Variants in ZNF35 observed in about 807,000 individuals in gnomAD.
The protein encoded by ZNF35 is zinc finger protein 35, also known as zinc finger protein 35 (clone HF.10).
A neutral mutation model predicts 45.9 loss-of-function variants in ZNF35; 31 were observed. The ratio of observed to expected loss-of-function variants is 0.68; its 90% confidence interval spans 0.51 to 0.91. The LOEUF is 0.91. ZNF35 is among the 40% of genes least tolerant of loss of function. The probability of loss-of-function intolerance (pLI) is 0.00; values close to 1 mark genes in which losing one functional copy is unlikely to be tolerated. For synonymous variants in ZNF35, 205 were observed against 220.2 expected (o/e 0.93, Z 0.61); for missense variants, 515 against 625.4 (o/e 0.82, Z 1.88).
In ZNF35 at chr3:44,659,005, A is replaced by T. The variant is rs1233780719; in HGVS notation, c.642A>T (p.Lys214Asn). The T allele has an allele frequency of 1.2e-6, 2 of 1,614,236 alleles. No individual in the cohort carries two copies. Among genetic ancestry groups the T allele is most frequent in the Admixed American group, 3.3e-5 (2 of 60,024 alleles). The stretch of plus-strand genomic sequence containing the variant: ...ATTCTGGCGCTGTTAAAAATCCAAA[A>T]ACCCAGCTTGGACAAAAGCCTTTTA... ...SLNSGAVKNP[K>N]TQLGQKPFTC... Residue 214 changes from lysine (K) to asparagine (N), a missense_variant, in exon 4 of 4, where the codon AAA (lysine) becomes AAT (asparagine). Physicochemically the swap from Lys to Asn is moderately conservative, Grantham distance 94. This residue lies in a region of ZNF35 where 275 missense variants were observed against 295.7 expected (regional missense o/e 0.93). Coordinates refer to ENST00000396056, the MANE Select transcript of ZNF35 (RefSeq NM_003420.4). The surrounding 1 kb of genome is among the most constrained non-coding windows in gnomAD (Gnocchi z 4.3).
At position 44,651,631 on chromosome 3, in the gene ZNF35, C is replaced by T. The variant is rs148290328; in HGVS notation, c.192+372C>T. Among the ~76,000 whole-genome samples, 1,341 of 152,112 alleles carry T rather than the reference C, an allele frequency of 8.8e-3. 22 individuals are homozygous for T. Among genetic ancestry groups the T allele is most frequent in the African/African-American group, 0.031 (1,283 of 41,492 alleles). The stretch of plus-strand genomic sequence containing the variant: ...TCACTTGAGGTCAGGAGTTCAAGAC[C>T]AGCCTGAGCAACATTGCACACCTCG... On this transcript the variant is annotated intron_variant, in intron 2 of 3. Coordinates refer to ENST00000396056, the MANE Select transcript of ZNF35 (RefSeq NM_003420.4).
At chr3:44,649,009 C>T (rs1703113216) in intron 1 of ZNF35, among the ~76,000 whole-genome samples, 175 bp downstream of exon 1, 1 of 152,212 alleles carries the variant, frequency 6.6e-6, no homozygotes, top group Admixed American at 6.5e-5. Flanking sequence ...CTGCTGCCCA[C>T]CTGGGGCCTG....
At chr3:44,653,807 G>A (rs1575515317) in intron 3 of ZNF35, among the ~76,000 whole-genome samples, 1 of 152,202 alleles carries the variant, frequency 6.6e-6, no homozygotes, top group South Asian at 2.1e-4. Flanking sequence ...CAAGAATGCA[G>A]TAGCCATGAG....
At position 44,658,695 on chromosome 3, in the gene ZNF35, G is replaced by A. The variant is rs1263635425; in HGVS notation, c.338-6G>A. The stretch of plus-strand genomic sequence containing the variant: ...TAACATTTGTATTTTCTGTTTCTTG[G>A]TTCAGGTGCTGAAACCAAGAACCTA... On this transcript the variant is annotated splice_region_variant and splice_polypyrimidine_tract_variant and intron_variant, in intron 3 of 3. Coordinates refer to ENST00000396056, the MANE Select transcript of ZNF35 (RefSeq NM_003420.4). The A allele has an allele frequency of 3.2e-6, 5 of 1,549,520 alleles. No homozygotes were observed. In the South Asian group the frequency reaches 5.1e-5, roughly 16 times the overall value.
Position 44,651,004 on chromosome 3 carries a change from G to GGAT in ZNF35, c.-62_-60dup. The GGAT allele has an allele frequency of 2.0e-6, 3 of 1,493,304 alleles. No individual in the cohort carries two copies. The highest frequency in any genetic ancestry group is 2.7e-6 in the Non-Finnish European group (3 of 1,107,358). 92.5% of individuals were successfully genotyped at this position (1,493,304 alleles called of 1,614,324 possible). A position where few individuals can be genotyped will look rare whatever the true frequency, so the allele number is the denominator to read the frequency against. The stretch of plus-strand genomic sequence containing the variant: ...AAGAAGCTTTTGAAACATAAAGCTT[G>GGAT]GATGGGGTTTGACCTCTGCAGGGCA... On this transcript the variant is annotated 5_prime_UTR_variant, in exon 2 of 4. The change creates a new upstream start codon in the 5' untranslated region. Coordinates refer to ENST00000396056, the MANE Select transcript of ZNF35 (RefSeq NM_003420.4).
chr3:44,647,123 C>T (rs1333135483), upstream of ZNF35: 1 of 151,978 alleles, frequency 6.6e-6, no homozygotes, highest in African/African-American at 2.4e-5. Flanking sequence ...AAGAACTTTC[C>T]AAATTTAACA....
At position 44,658,910 on chromosome 3, in the gene ZNF35, CACTT is replaced by C. The variant is rs755055432; in HGVS notation, c.550_553del (p.Pro185LysfsTer108). The C allele has an allele frequency of 6.2e-7, 1 of 1,613,404 alleles. No homozygotes were observed. The highest frequency in any genetic ancestry group is 1.1e-5 in the South Asian group (1 of 90,888). On this transcript the variant is annotated frameshift_variant, in exon 4 of 4. Transcript: ENST00000396056. LOFTEE classifies it high-confidence loss of function. ...CAGACAAGTGATAGTGAATGACTGT[CACTT>C]ACCTGAAAGCTTCAAAGAAGAGGAA...
intron 2 of ZNF35, 50 bp downstream of exon 2, chr3:44,651,309 A>G: frequency 6.4e-7 from 1 of 1,572,970 alleles, no homozygotes; most frequent in Non-Finnish European, 8.6e-7. Flanking sequence ...GAAGACCTCA[A>G]GTAGTTTAAG....
chr3:44,654,632 T>C (rs1378958553), intron 3 of ZNF35, among the ~76,000 whole-genome samples: 1 of 152,238 alleles, frequency 6.6e-6, no homozygotes, highest in Non-Finnish European at 1.5e-5. Context: ...GGGTTTTTAA[T>C]GTCTGAGCAA....
intron 3 of ZNF35, among the ~76,000 whole-genome samples, chr3:44,654,018 C>T (rs1361831616): frequency 6.6e-6 from 1 of 152,138 alleles, no homozygotes; most frequent in Non-Finnish European, 1.5e-5. Flanking sequence ...TTAATTATTC[C>T]CAAACTCTTA....
intron 1 of ZNF35, 115 bp downstream of exon 1, chr3:44,648,949 T>A (rs1462685403): frequency 6.6e-6 from 1 of 152,364 alleles, no homozygotes; most frequent in Non-Finnish European, 1.5e-5. Flanking sequence ...ACCAGCCTTG[T>A]CTGTCGGGGT....
At chr3:44,650,912 G>A (rs1703190529) in intron 1 of ZNF35, 29 bp from the exon 2 acceptor site, 2 of 706,580 alleles carry the variant, frequency 2.8e-6, no homozygotes, top group Non-Finnish European at 2.2e-6. Flanking sequence ...ATCTCTCCTT[G>A]GTGCTAACAG....
intron 3 of ZNF35, among the ~76,000 whole-genome samples, chr3:44,657,038 C>G (rs1265096588): frequency 6.6e-6 from 1 of 152,176 alleles, no homozygotes; most frequent in Non-Finnish European, 1.5e-5. Context: ...TGGGGCTCTA[C>G]TGTATCCAGC....
chr3:44,653,451 T>G (rs1296304171), intron 3 of ZNF35, among the ~76,000 whole-genome samples: 1 of 152,238 alleles, frequency 6.6e-6, no homozygotes, highest in African/African-American at 2.4e-5. Flanking sequence ...GTTTCATCTC[T>G]GTGCACACAT....
Position 44,651,129 on chromosome 3 carries a change from A to T in ZNF35, c.62A>T (p.Lys21Met), listed in dbSNP as rs767015294. Reference sequence around the variant, plus strand: ...CCATGGGGCCCAGTGAAGGTGAAAAAGGAGGAGGAAGAAGAAGAAAACTTC... The same window carrying T: ...CCATGGGGCCCAGTGAAGGTGAAAATGGAGGAGGAAGAAGAAGAAAACTTC... Reference protein sequence around the residue: ...LAPWGPVKVKKEEEEEENFPG... With the variant: ...LAPWGPVKVKMEEEEEENFPG... Residue 21 changes from lysine (K) to methionine (M), a missense_variant, in exon 2 of 4, where the codon AAG becomes ATG. By Grantham distance (95) the Lys-to-Met change is moderately conservative. This residue lies in a region of ZNF35 where 275 missense variants were observed against 295.7 expected (regional missense o/e 0.93). Transcript: ENST00000396056. 6 of 1,610,744 alleles carry T rather than the reference A, an allele frequency of 3.7e-6. No homozygotes were observed. The African/African-American group carries it at 6.7e-5, about 18-fold the overall frequency.
chr3:44,651,077 G>A lies in ZNF35; in HGVS notation c.10G>A (p.Glu4Lys). 3 of 1,613,530 alleles carry A rather than the reference G, an allele frequency of 1.9e-6. No individual in the cohort carries two copies. The highest frequency in any genetic ancestry group is 2.5e-6 in the Non-Finnish European group (3 of 1,179,950). Residue 4 changes from glutamate to lysine, a missense_variant, in exon 2 of 4, where the codon GAA becomes AAA. Around this residue, in one of 3 missense-constraint regions of ZNF35, gnomAD observed 275 missense variants for 295.7 expected, o/e 0.93. Transcript: ENST00000396056. ...CTGCTGAGCAGAGAAGATGACTGCA[G>A]AATTGAGAGAAGCCATGGCCCTAGC... MTAELREAMALAPW... is the reference protein window; with the variant it reads MTAKLREAMALAPW...
intron 3 of ZNF35, among the ~76,000 whole-genome samples, chr3:44,658,105 T>C (rs188693442): frequency 2.0e-5 from 3 of 152,314 alleles, no homozygotes; most frequent in South Asian, 2.1e-4. Flanking sequence ...TTAACCTGTA[T>C]GCTGCAGGAC....
chr3:44,652,528 C>T, intron 2 of ZNF35, 29 bp from the exon 3 acceptor site: 1 of 1,532,834 alleles, frequency 6.5e-7, no homozygotes, highest in South Asian at 1.3e-5. Context: ...CACCAGTTCC[C>T]TCTTAAACAT....
rs766601732 is a variant in ZNF35 at position 44,658,700 on chromosome 3, G to C, written c.338-1G>C. Reference sequence around the variant, plus strand: ...TTTGTATTTTCTGTTTCTTGGTTCAGGTGCTGAAACCAAGAACCTACAGTT... The same window carrying C: ...TTTGTATTTTCTGTTTCTTGGTTCACGTGCTGAAACCAAGAACCTACAGTT... On this transcript the variant is annotated splice_acceptor_variant, in intron 3 of 3. Coordinates refer to ENST00000396056, the MANE Select transcript of ZNF35 (RefSeq NM_003420.4). LOFTEE classifies it high-confidence loss of function. The C allele has an allele frequency of 6.4e-7, 1 of 1,554,350 alleles. No homozygotes were observed. Among genetic ancestry groups the C allele is most frequent in the South Asian group, 1.3e-5 (1 of 79,614 alleles).
Sources: allele counts gnomAD v4.1 joint callset (sites outside exome capture counted in the v4.1 genomes callset), GRCh38; gene constraint gnomAD v4.1.1; regional missense constraint gnomAD v4.1.1; non-coding constraint Gnocchi (gnomAD v3.1); transcripts MANE v1.5; gene names NCBI Gene and HGNC (gene_info 2026-07-23, HGNC 2026-07-21).